Variants in WASHC2C observed in about 807,000 individuals in gnomAD.
WASHC2C encodes the protein WASH complex subunit 2C.
In WASHC2C, 73 loss-of-function variants were observed where a neutral mutation model predicts 142.2. The observed-to-expected ratio is 0.51, with a 90% confidence interval of 0.43 to 0.62. The LOEUF (loss-of-function observed/expected upper bound fraction) is 0.62, where lower values mean the gene tolerates loss of function less well. WASHC2C is among the 20% of genes least tolerant of loss of function. The pLI, the probability that WASHC2C is intolerant of heterozygous loss-of-function variation, is 0.00. For synonymous variants in WASHC2C, 337 were observed against 565.5 expected (o/e 0.60, Z 5.73); for missense variants, 969 against 1,531.7 (o/e 0.63, Z 6.13).
chr10:45,771,432 T>C, intron 20 of WASHC2C: 2 of 969,604 alleles, frequency 2.1e-6, no homozygotes, highest in Non-Finnish European at 2.4e-6. Flanking sequence ...AAATAGGGAG[T>C]AGAGGGCAGA....
Position 45,773,368 on chromosome 10 carries a change from A to G in WASHC2C, c.2142+10A>G. 1.6e-6 allele frequency: 1 copy of G among 615,656 alleles called. No homozygotes were observed. The allele number at this position is 615,656 out of a possible 1,614,324, so 38.1% of individuals were successfully genotyped here. A position where few individuals can be genotyped will look rare whatever the true frequency, so the allele number is the denominator to read the frequency against. On this transcript the variant is annotated intron_variant, in intron 21 of 30. Coordinates refer to ENST00000623400, the MANE Select transcript of WASHC2C (RefSeq NM_001330074.2). ...TCCTCCTGCAACAAAGGTATTCTTC[A>G]TCTCTTAGTCCCAGGAAATGTCCTT...
chr10:45,780,144 A>G (rs1554887615), intron 23 of WASHC2C, among the ~76,000 whole-genome samples: 1 of 151,582 alleles, frequency 6.6e-6, no homozygotes, highest in Non-Finnish European at 1.5e-5. Flanking sequence ...TCAGCAAAAT[A>G]TAAAAAGGAT....
chr10:45,768,924 A>G (rs1222713605), intron 19 of WASHC2C, among the ~76,000 whole-genome samples: 2 of 151,942 alleles, frequency 1.3e-5, no homozygotes, highest in Admixed American at 1.3e-4. Context: ...CAGGTGTTGG[A>G]GGAGGAAATC....
In WASHC2C at chr10:45,749,445, TA is replaced by T. The variant is rs1390555812; in HGVS notation, c.733-648del. Reference sequence around the variant, plus strand: ...AGCGAAACTCCTTCTCAAAAATAAATAAATAAAAATATTTCTCTAGTAACAG... The same window carrying T: ...AGCGAAACTCCTTCTCAAAAATAAATAATAAAAATATTTCTCTAGTAACAG... On this transcript the variant is annotated intron_variant, in intron 8 of 30. Transcript: ENST00000623400. Among the ~76,000 whole-genome samples, 4 of 150,666 alleles carry T rather than the reference TA, an allele frequency of 2.7e-5. 1 individual carries two copies. In the East Asian group the frequency reaches 7.9e-4, roughly 30 times the overall value.
Position 45,728,933 on chromosome 10 carries a change from C to A in WASHC2C, c.198C>A (p.Asp66Glu), listed in dbSNP as rs17157971. 1.1e-5 allele frequency: 17 copies of A among 1,613,760 alleles called. No homozygotes were observed. The African/African-American group carries it at 1.1e-4, about 10-fold the overall frequency. Reference protein sequence around the residue: ...SRTHEIKKQVDGLIRETKATD... With the variant: ...SRTHEIKKQVEGLIRETKATD... ...CCCATGAAATCAAGAAACAAGTGGA[C>A]GGACTAATCCGGGAAACCAAAGCCA... Residue 66 changes from aspartate to glutamate, a missense_variant, in exon 3 of 31, where the codon GAC (aspartate) becomes GAA (glutamate). Asp to Glu is a conservative substitution (Grantham distance 45). Coordinates refer to ENST00000623400, the MANE Select transcript of WASHC2C (RefSeq NM_001330074.2).
chr10:45,743,945 C>T (rs1481002854), intron 6 of WASHC2C, among the ~76,000 whole-genome samples: 20 of 140,394 alleles, frequency 1.4e-4, no homozygotes, highest in Middle Eastern at 5.4e-3. Flanking sequence ...GATGGGGTTT[C>T]ACCATATTGT....
Position 45,790,559 on chromosome 10 carries a change from C to G in WASHC2C, c.3886+26C>G, listed in dbSNP as rs1421919077. ...GTAAGTTTGGTTTTCTACATCTGACCTAGAGAATTCTTACCTTTCCATCAC... is the reference window on the plus strand; with the variant it reads ...GTAAGTTTGGTTTTCTACATCTGACGTAGAGAATTCTTACCTTTCCATCAC... On this transcript the variant is annotated intron_variant, in intron 30 of 30. Transcript: ENST00000623400. 2.5e-6 allele frequency: 4 copies of G among 1,611,800 alleles called. No individual in the cohort carries two copies. In the African/African-American group the frequency reaches 4.0e-5, roughly 16 times the overall value.
chr10:45,754,050 C>A (rs2053936813), intron 13 of WASHC2C, among the ~76,000 whole-genome samples: 1 of 151,666 alleles, frequency 6.6e-6, no homozygotes, highest in Non-Finnish European at 1.5e-5. Flanking sequence ...GCTTGGTTTC[C>A]CCCTTTGCTC....
chr10:45,792,127 G>T lies in WASHC2C; in HGVS notation c.3887-134G>T. 2.1e-6 allele frequency: 2 copies of T among 946,674 alleles called. 1 individual carries two copies. The highest frequency in any genetic ancestry group is 3.2e-6 in the Non-Finnish European group (2 of 621,904). 58.6% of individuals were successfully genotyped at this position (946,674 alleles called of 1,614,324 possible). A position where few individuals can be genotyped will look rare whatever the true frequency, so the allele number is the denominator to read the frequency against. ...CACAGAACCAGAATCTAAGAGGCTT[G>T]AGTTCTAGGTTAGTGTTTTAGGGTA... On this transcript the variant is annotated intron_variant, in intron 30 of 30. Coordinates refer to ENST00000623400, the MANE Select transcript of WASHC2C (RefSeq NM_001330074.2).
At chr10:45,771,489 G>A in intron 20 of WASHC2C, 1 of 984,590 alleles carries the variant, frequency 1.0e-6, no homozygotes, top group Non-Finnish European at 1.2e-6. Context: ...AGCATTTTCT[G>A]CACTGTATCC....
intron 6 of WASHC2C, among the ~76,000 whole-genome samples, chr10:45,744,571 C>G (rs1364466872): frequency 6.6e-6 from 1 of 152,060 alleles, no homozygotes; most frequent in Non-Finnish European, 1.5e-5. Context: ...TTTTTATGAC[C>G]CTGACATCTT....
Position 45,728,319 on chromosome 10 carries a change from A to G in WASHC2C, c.127-543A>G, listed in dbSNP as rs1364137427. Among the ~76,000 whole-genome samples the G allele has an allele frequency of 2.6e-5, 4 of 152,310 alleles. No individual in the cohort carries two copies. The East Asian group carries it at 5.8e-4, about 22-fold the overall frequency. On this transcript the variant is annotated intron_variant, in intron 2 of 30. Coordinates refer to ENST00000623400, the MANE Select transcript of WASHC2C (RefSeq NM_001330074.2). The stretch of plus-strand genomic sequence containing the variant: ...TGTTGGATTACAAGCGTGAGCCACC[A>G]TACCCAGTGCCAAAAAGGGATTTTA...
rs1307406150 is a variant in WASHC2C, at chr10:45,792,759, T to C, written c.*359T>C. 7.9e-6 allele frequency: 4 copies of C among 507,134 alleles called. No homozygotes were observed. The highest frequency in any genetic ancestry group is 5.7e-5 in the East Asian group (1 of 17,534). 31.4% of individuals were successfully genotyped at this position (507,134 alleles called of 1,614,324 possible). A position where few individuals can be genotyped will look rare whatever the true frequency, so the allele number is the denominator to read the frequency against. On this transcript the variant is annotated 3_prime_UTR_variant, in exon 31 of 31. Transcript: ENST00000623400. ...GCCACCTGACCAGAAGTCTTTGTTA[T>C]ATGGATGGGAACCCTAACTTAGGGC...
At chr10:45,736,369 G>A (rs2051250558) in intron 3 of WASHC2C, among the ~76,000 whole-genome samples, 1 of 114,338 alleles carries the variant, frequency 8.7e-6, no homozygotes, top group Admixed American at 1.3e-4. Context: ...TCGCACCACT[G>A]CACTCCAGCC....
At chr10:45,772,186 A>G (rs1284488230) in intron 20 of WASHC2C, among the ~76,000 whole-genome samples, 2 of 152,096 alleles carry the variant, frequency 1.3e-5, no homozygotes, top group Non-Finnish European at 2.9e-5. Flanking sequence ...TATGAAATGT[A>G]TAGATAAACC....
chr10:45,745,213 T>C (rs2134402807), intron 7 of WASHC2C, among the ~76,000 whole-genome samples: 1 of 152,276 alleles, frequency 6.6e-6, no homozygotes, highest in East Asian at 1.9e-4. Flanking sequence ...AGTCTTTGAG[T>C]ATATTCCGTC....
chr10:45,772,696 G>A (rs1445232861), intron 20 of WASHC2C, among the ~76,000 whole-genome samples: 1 of 152,190 alleles, frequency 6.6e-6, no homozygotes, highest in African/African-American at 2.4e-5. Context: ...AGCCTGGGCA[G>A]TAGAGTGAGA....
intron 27 of WASHC2C, 125 bp downstream of exon 27, chr10:45,786,799 A>G (rs1398739179): frequency 6.4e-7 from 1 of 1,568,108 alleles, no homozygotes; most frequent in Non-Finnish European, 8.7e-7. Context: ...CCTCCCCTGC[A>G]CCTAGTTGTT....
rs747300976 is a variant in WASHC2C, at chr10:45,727,479, G to A, written c.66G>A (p.Pro22=). Residue 22 remains proline, a synonymous_variant, in exon 2 of 31, where the codon CCG becomes CCA. Transcript: ENST00000623400. The part of the protein sequence containing the change: ...VPASEPVWER[P]WSVEEIRRSS... ...CGTCGGAGCCCGTGTGGGAGCGGCCGTGGTCGGTGGAGGAGATCCGCAGGA... is the reference window on the plus strand; with the variant it reads ...CGTCGGAGCCCGTGTGGGAGCGGCCATGGTCGGTGGAGGAGATCCGCAGGA... 8.2e-5 allele frequency: 132 copies of A among 1,608,394 alleles called. No homozygotes were observed. Among genetic ancestry groups the A allele is most frequent in the Non-Finnish European group, 1.1e-4 (127 of 1,178,622 alleles).
Sources: gnomAD v4.1 joint callset for allele counts (sites outside exome capture counted in the v4.1 genomes callset) on GRCh38, gnomAD v4.1.1 for gene constraint, MANE v1.5 for transcripts, NCBI Gene and HGNC (gene_info 2026-07-23, HGNC 2026-07-21) for gene names.